The following ANK2 variants were observed in gnomAD, a reference collection of about 807,000 sequenced individuals.
ANK2 encodes the protein ankyrin-2.
In ANK2, 83 loss-of-function variants were observed where a neutral mutation model predicts 360.5. That is an observed-to-expected ratio of 0.23 (90% CI 0.19 to 0.28). The LOEUF (loss-of-function observed/expected upper bound fraction) is 0.28, where lower values mean the gene tolerates loss of function less well. Ranked by LOEUF, ANK2 falls within the 10% of genes least tolerant of loss-of-function variation. The probability of loss-of-function intolerance (pLI) is 1.00; values close to 1 mark genes in which losing one functional copy is unlikely to be tolerated. For missense variants in ANK2, 4,201 were observed against 4,795.7 expected, an observed-to-expected ratio of 0.88 and a Z score of 3.66; for synonymous variants, 1,740 against 1,759.5, an observed-to-expected ratio of 0.99 and a Z score of 0.28.
intron 1 of ANK2, among the ~76,000 whole-genome samples, chr4:112,832,315 A>G (rs1433607248): frequency 6.6e-6 from 1 of 152,186 alleles, no homozygotes; most frequent in Non-Finnish European, 1.5e-5. Flanking sequence ...GGCCTTCCAA[A>G]GTGCTGTCAT....
At chr4:113,288,175 T>G (rs2065657616) in intron 19 of ANK2, among the ~76,000 whole-genome samples, 1 of 152,196 alleles carries the variant, frequency 6.6e-6, no homozygotes, top group Admixed American at 6.5e-5. Flanking sequence ...TCTTAGTTCT[T>G]TGCAGATTTT....
chr4:113,048,272 ATATATTTTTTT>A (rs1435142976), upstream of ANK2, among the ~76,000 whole-genome samples: 21 of 47,954 alleles, frequency 4.4e-4, no homozygotes, highest in South Asian at 1.7e-3. Flanking sequence ...ATATATATAT[ATATATTTTTTT>A]TTTTTTTTTT....
chr4:113,048,097 C>A (rs1475474732), upstream of ANK2, among the ~76,000 whole-genome samples: 1 of 151,342 alleles, frequency 6.6e-6, no homozygotes, highest in Non-Finnish European at 1.5e-5. Context: ...TATACACTAT[C>A]TCGTTGGTTT....
intron 23 of ANK2, among the ~76,000 whole-genome samples, chr4:113,308,358 A>C (rs566051386): frequency 6.6e-6 from 1 of 152,324 alleles, no homozygotes; most frequent in East Asian, 1.9e-4. Context: ...TAAATCTGAG[A>C]TGCTTATAGA....
chr4:112,921,384 T>G (rs1417595269), intron 2 of ANK2, among the ~76,000 whole-genome samples: 3 of 149,852 alleles, frequency 2.0e-5, no homozygotes, highest in Admixed American at 6.6e-5. Flanking sequence ...TTTAAGTTTT[T>G]TTTTTTTTTT....
intron 33 of ANK2, among the ~76,000 whole-genome samples, chr4:113,342,340 G>A (rs2094391610): frequency 6.6e-6 from 1 of 152,022 alleles, no homozygotes. Context: ...TCTTATTTCA[G>A]AATTTTCCAT....
At chr4:113,116,477 G>A (rs1266893135) in intron 1 of ANK2, among the ~76,000 whole-genome samples, 1 of 152,172 alleles carries the variant, frequency 6.6e-6, no homozygotes. Flanking sequence ...GTACAGTGAG[G>A]ACCCGGCTAC....
At chr4:112,952,802 C>T (rs552453878) in intron 2 of ANK2, among the ~76,000 whole-genome samples, 7 of 152,102 alleles carry the variant, frequency 4.6e-5, no homozygotes, top group African/African-American at 7.2e-5. Flanking sequence ...TAATATGCTT[C>T]CTCATATTGT....
At chr4:113,157,617 A>G (rs189014422) in intron 1 of ANK2, among the ~76,000 whole-genome samples, 96 of 152,346 alleles carry the variant, frequency 6.3e-4, no homozygotes, top group African/African-American at 2.1e-3. Flanking sequence ...CCCCTAACCA[A>G]AAAAGGGAAT....
chr4:113,045,672 T>G (rs535421001), upstream of ANK2, among the ~76,000 whole-genome samples: 170 of 152,314 alleles, frequency 1.1e-3, 2 homozygotes, highest in African/African-American at 4.0e-3. Flanking sequence ...CTCATGGAGC[T>G]TCCATTCCAG....
chr4:113,201,264 T>G (rs1184908589), intron 4 of ANK2, among the ~76,000 whole-genome samples: 1 of 152,192 alleles, frequency 6.6e-6, no homozygotes, highest in Admixed American at 6.5e-5. Context: ...CAAACTTTAG[T>G]CTGCATCATA....
chr4:113,350,972 G>A (rs946148555), intron 37 of ANK2, among the ~76,000 whole-genome samples: 2 of 152,098 alleles, frequency 1.3e-5, no homozygotes, highest in Non-Finnish European at 2.9e-5. Flanking sequence ...ACCTGATCTA[G>A]TAGAGAGAGA....
chr4:113,210,348 T>C (rs977094627), intron 4 of ANK2, among the ~76,000 whole-genome samples: 1 of 152,166 alleles, frequency 6.6e-6, no homozygotes, highest in Admixed American at 6.5e-5. Flanking sequence ...ATGAAGAAAA[T>C]TTGAGGCATA....
intron 18 of ANK2, among the ~76,000 whole-genome samples, chr4:113,286,019 C>T (rs1188258291): frequency 1.3e-5 from 2 of 152,200 alleles, no homozygotes; most frequent in African/African-American, 4.8e-5. Context: ...GATTTTCATA[C>T]TGGTTGTTAG....
chr4:113,138,046 C>T (rs2096503058), intron 1 of ANK2, among the ~76,000 whole-genome samples: 1 of 152,230 alleles, frequency 6.6e-6, no homozygotes, highest in Non-Finnish European at 1.5e-5. Flanking sequence ...ATAATTCTCC[C>T]ATTTTCCAGA....
At chr4:112,770,749 G>T in the ANK2 span, among the ~76,000 whole-genome samples, 1 of 151,808 alleles carries the variant, frequency 6.6e-6, no homozygotes, top group Admixed American at 6.6e-5. Context: ...CATCTGGCAG[G>T]CTCATTAAAA....
intron 23 of ANK2, among the ~76,000 whole-genome samples, chr4:113,307,945 T>C (rs2078052523): frequency 6.6e-6 from 1 of 152,228 alleles, no homozygotes; most frequent in South Asian, 2.1e-4. Context: ...GGAATCATCA[T>C]TCTATTAAGT....
At chr4:113,229,454 A>G (rs926870593) in intron 4 of ANK2, among the ~76,000 whole-genome samples, 41 of 152,170 alleles carry the variant, frequency 2.7e-4, no homozygotes, top group African/African-American at 9.4e-4. Flanking sequence ...TAACCTCCTC[A>G]TCTCAAAATT....
chr4:112,988,160 G>A (rs2045579004), intron 2 of ANK2, among the ~76,000 whole-genome samples: 1 of 145,954 alleles, frequency 6.9e-6, no homozygotes, highest in African/African-American at 2.8e-5. Context: ...TTTAGAAATT[G>A]TTAAAGAAGC....
Sources: gnomAD v4.1 joint callset for allele counts (sites outside exome capture counted in the v4.1 genomes callset) on GRCh38, gnomAD v4.1.1 for gene constraint, MANE v1.5 for transcripts, NCBI Gene and HGNC (gene_info 2026-07-23, HGNC 2026-07-21) for gene names.